The following STAG3 variants were observed in gnomAD, a reference collection of about 807,000 sequenced individuals.
STAG3 encodes STAG3 cohesin complex component.
In STAG3, 101 loss-of-function variants were observed where a neutral mutation model predicts 160.7. That is an observed-to-expected ratio of 0.63 (90% CI 0.54 to 0.74). STAG3 has a LOEUF of 0.74. STAG3 is among the 30% of genes least tolerant of loss of function. The pLI, the probability that STAG3 is intolerant of heterozygous loss-of-function variation, is 0.00. For synonymous variants in STAG3, 519 were observed against 585.0 expected (o/e 0.89, Z 1.63); for missense variants, 1,188 against 1,517.4 (o/e 0.78, Z 3.61).
At chr7:100,213,295 C>CAG in intron 32 of STAG3, 1 of 983,042 alleles carries the variant, frequency 1.0e-6, no homozygotes, top group African/African-American at 1.7e-5. Flanking sequence ...TAGGGGGACA[C>CAG]AGATATTCAG....
chr7:100,214,110 C>T lies in STAG3; in HGVS notation c.*95C>T, dbSNP rs891758368. ...GAAAAGGAGCAAAATGAAGCATTCC[C>T]CCAGGCTTCAGCCCTGGGCTCTGAG... On this transcript the variant is annotated 3_prime_UTR_variant, in exon 34 of 34. Transcript: ENST00000615138. 3 of 1,496,124 alleles carry T rather than the reference C, an allele frequency of 2.0e-6. No homozygotes were observed. Among genetic ancestry groups the T allele is most frequent in the Non-Finnish European group, 2.8e-6 (3 of 1,081,210 alleles). 92.7% of individuals were successfully genotyped at this position (1,496,124 alleles called of 1,614,324 possible). A position where few individuals can be genotyped will look rare whatever the true frequency, so the allele number is the denominator to read the frequency against.
At position 100,182,071 on chromosome 7, in the gene STAG3, G is replaced by A. The variant is rs1223505807; in HGVS notation, c.117-19G>A. 6.2e-7 allele frequency: 1 copy of A among 1,600,398 alleles called. No homozygotes were observed. The highest frequency in any genetic ancestry group is 8.6e-7 in the Non-Finnish European group (1 of 1,168,026). On this transcript the variant is annotated intron_variant, in intron 2 of 33. Coordinates refer to ENST00000615138, the MANE Select transcript of STAG3 (RefSeq NM_001282717.2). ...GGAATAGGGTGGTTATATTTAAAGA[G>A]AACCATACTTTCTCACAGGAATGGC...
chr7:100,202,022 A>G lies in STAG3; in HGVS notation c.2375A>G (p.Asp792Gly). Residue 792 changes from aspartate (D) to glycine (G), a missense_variant, in exon 23 of 34, where the codon GAT (aspartate) becomes GGT (glycine). Physicochemically the swap from Asp to Gly is moderately conservative, Grantham distance 94. Around this residue, in one of 4 missense-constraint regions of STAG3, gnomAD observed 647 missense variants for 717.2 expected, o/e 0.90. Transcript: ENST00000615138. ...TGCCAGAGTTGCCTCTCAGATGTGG[A>G]TACTGAGATCCAGGAGCAGGTGAGT... ...ELCQSCLSDVDTEIQEQAFVL... is the reference protein window; with the variant it reads ...ELCQSCLSDVGTEIQEQAFVL... 6.2e-7 allele frequency: 1 copy of G among 1,614,154 alleles called. No homozygotes were observed. Among genetic ancestry groups the G allele is most frequent in the Non-Finnish European group, 8.5e-7 (1 of 1,180,026 alleles).
intron 13 of STAG3, 63 bp downstream of exon 13, chr7:100,198,645 T>C: frequency 6.7e-7 from 1 of 1,499,830 alleles, no homozygotes; most frequent in Non-Finnish European, 9.3e-7. Flanking sequence ...CTCCATCTGC[T>C]GCTGCCCTAC....
In STAG3 at chr7:100,202,310, G is replaced by A. The variant is rs1303495107; in HGVS notation, c.2533G>A (p.Val845Ile). 14 of 1,613,956 alleles carry A rather than the reference G, an allele frequency of 8.7e-6. No homozygotes were observed. Among genetic ancestry groups the A allele is most frequent in the Admixed American group, 1.7e-5 (1 of 59,984 alleles). The change falls in exon 24 of 34, where the codon GTC becomes ATC. Residue 845 changes from valine to isoleucine, a missense_variant. Coordinates refer to ENST00000615138, the MANE Select transcript of STAG3 (RefSeq NM_001282717.2). The part of the protein sequence containing the change: ...SELASFLMDH[V>I]FIQPGDLGSG... ...GCTAGCCAGCTTCCTCATGGACCAC[G>A]TCTTCATCCAGCCGGGAGACCTGGG...
At position 100,211,784 on chromosome 7, in the gene STAG3, C is replaced by T. The variant is rs774481142; in HGVS notation, c.3519-11C>T. Reference sequence around the variant, plus strand: ...CAGTTTGAAAAGCCAGTCTCTTTGCCCCTACATCAGACTCAGCCTTATGGA... The same window carrying T: ...CAGTTTGAAAAGCCAGTCTCTTTGCTCCTACATCAGACTCAGCCTTATGGA... On this transcript the variant is annotated splice_polypyrimidine_tract_variant and intron_variant, in intron 31 of 33. Coordinates refer to ENST00000615138, the MANE Select transcript of STAG3 (RefSeq NM_001282717.2). 6.2e-7 allele frequency: 1 copy of T among 1,613,592 alleles called. No homozygotes were observed. The highest frequency in any genetic ancestry group is 1.1e-5 in the South Asian group (1 of 91,018).
At chr7:100,192,455 C>A (rs1441156097) in intron 8 of STAG3, among the ~76,000 whole-genome samples, 3 of 152,168 alleles carry the variant, frequency 2.0e-5, no homozygotes, top group Admixed American at 2.0e-4. Flanking sequence ...ACCCAGGAGG[C>A]AGAGGTTGCA....
Position 100,180,527 on chromosome 7 carries a change from TC to T in STAG3, c.-28del. On this transcript the variant is annotated 5_prime_UTR_variant, in exon 2 of 34. Transcript: ENST00000615138. The stretch of plus-strand genomic sequence containing the variant: ...CATACCTACCCTGTGGTCCTCATCT[TC>T]CTGGCCTCATAGCTCCTCCTCTCCA... 7.2e-7 allele frequency: 1 copy of T among 1,384,092 alleles called. No homozygotes were observed. The highest frequency in any genetic ancestry group is 1.0e-6 in the Non-Finnish European group (1 of 969,998). The allele number at this position is 1,384,092 out of a possible 1,614,324, so 85.7% of individuals were successfully genotyped here. A position where few individuals can be genotyped will look rare whatever the true frequency, so the allele number is the denominator to read the frequency against.
chr7:100,187,141 C>T (rs182623231), intron 5 of STAG3, among the ~76,000 whole-genome samples: 10 of 152,074 alleles, frequency 6.6e-5, no homozygotes, highest in Admixed American at 1.3e-4. Context: ...AAGCGATTCT[C>T]GTGCCTCAGC....
intron 8 of STAG3, among the ~76,000 whole-genome samples, chr7:100,190,767 T>TG (rs1800300503): frequency 6.6e-6 from 1 of 152,228 alleles, no homozygotes; most frequent in Admixed American, 6.5e-5. Context: ...AATGTCCAAC[T>TG]AACTGAATCC....
Position 100,186,325 on chromosome 7 carries a change from C to T in STAG3, c.433+29C>T, listed in dbSNP as rs575560912. 71 of 1,567,076 alleles carry T rather than the reference C, an allele frequency of 4.5e-5. 1 individual carries two copies. In the South Asian group the frequency reaches 7.6e-4, roughly 17 times the overall value. On this transcript the variant is annotated intron_variant, in intron 5 of 33. Transcript: ENST00000615138. ...AGGAAACTGCTCCCCCTTTCTAATTCCCAGCCTTTTGTTCCTATGTTATGA... is the reference window on the plus strand; with the variant it reads ...AGGAAACTGCTCCCCCTTTCTAATTTCCAGCCTTTTGTTCCTATGTTATGA...
chr7:100,187,950 G>A (rs1198041597), intron 5 of STAG3, among the ~76,000 whole-genome samples: 1 of 152,034 alleles, frequency 6.6e-6, no homozygotes, highest in Non-Finnish European at 1.5e-5. Context: ...TAGAGACGGG[G>A]TTTCACCATG....
chr7:100,206,476 ATT>A (rs1008659384), intron 29 of STAG3, among the ~76,000 whole-genome samples: 1 of 147,584 alleles, frequency 6.8e-6, no homozygotes. Flanking sequence ...CATAAAAATC[ATT>A]TTTTTTTTTT....
rs536370265 is a variant in STAG3 at position 100,185,964 on chromosome 7, A to C, written c.337-236A>C. Among the ~76,000 whole-genome samples, 4 of 152,370 alleles carry C rather than the reference A, an allele frequency of 2.6e-5. No individual in the cohort carries two copies. In the South Asian group the frequency reaches 8.3e-4, roughly 32 times the overall value. The stretch of plus-strand genomic sequence containing the variant: ...TCTGGATACAAAGTCATAAATCCCC[A>C]GGGATTAATGAAACCTTTAGGGCAA... On this transcript the variant is annotated intron_variant, in intron 4 of 33. Coordinates refer to ENST00000615138, the MANE Select transcript of STAG3 (RefSeq NM_001282717.2).
chr7:100,190,721 ATCCT>A (rs1800297078), intron 8 of STAG3, among the ~76,000 whole-genome samples: 1 of 151,688 alleles, frequency 6.6e-6, no homozygotes, highest in African/African-American at 2.4e-5. Context: ...TCTTTTTTCC[ATCCT>A]TCCTTTTAGG....
chr7:100,183,532 C>T (rs970521620), intron 4 of STAG3, among the ~76,000 whole-genome samples: 3 of 152,056 alleles, frequency 2.0e-5, no homozygotes, highest in African/African-American at 7.2e-5. Context: ...AGTTCTAATA[C>T]CCGAAAGTGT....
intron 1 of STAG3, among the ~76,000 whole-genome samples, chr7:100,179,594 C>T (rs1799512328): frequency 6.6e-6 from 1 of 151,752 alleles, no homozygotes; most frequent in African/African-American, 2.4e-5. Context: ...TGCACTTCCA[C>T]AGCCTCTAGA....
At chr7:100,219,255 G>A (rs192036478), downstream of STAG3, 584 of 155,896 alleles carry the variant, frequency 3.7e-3, 11 homozygotes, top group Non-Finnish European at 1.7e-3. Context: ...CTAGGGCAGA[G>A]GACTGCTGTT....
At chr7:100,211,635 T>C in intron 31 of STAG3, 96 bp downstream of exon 31, 2 of 1,475,238 alleles carry the variant, frequency 1.4e-6, no homozygotes, top group Middle Eastern at 2.0e-4. Context: ...TGGGTGCTTT[T>C]TGGACTTGTT....
Sources: gnomAD v4.1 joint callset for allele counts (sites outside exome capture counted in the v4.1 genomes callset) on GRCh38, gnomAD v4.1.1 for gene constraint, gnomAD v4.1.1 regional missense constraint, MANE v1.5 for transcripts, NCBI Gene and HGNC (gene_info 2026-07-23, HGNC 2026-07-21) for gene names.